Variants in SLC35F3 observed in about 807,000 individuals in gnomAD.
The protein encoded by SLC35F3 is solute carrier family 35 member F3, also known as putative thiamine transporter SLC35F3.
SLC35F3 carries 25 observed loss-of-function variants against 49.9 expected under a neutral mutation model. That is an observed-to-expected ratio of 0.50 (90% confidence interval 0.37 to 0.70). SLC35F3 has a LOEUF of 0.70. SLC35F3 is among the 30% of genes least tolerant of loss of function. SLC35F3 has a pLI of 0.00. For synonymous variants in SLC35F3, 275 were observed against 265.4 expected, an observed-to-expected ratio of 1.04 and a Z score of -0.35; for missense variants, 525 against 639.8, an observed-to-expected ratio of 0.82 and a Z score of 1.94.
chr1:234,264,458 A>T (rs1460405396), intron 3 of SLC35F3, among the ~76,000 whole-genome samples: 2 of 152,190 alleles, frequency 1.3e-5, no homozygotes, highest in Non-Finnish European at 2.9e-5. Context: ...TCTTAAACCT[A>T]CACCACTATG....
intron 2 of SLC35F3, among the ~76,000 whole-genome samples, chr1:234,039,282 C>A (rs912056484): frequency 1.3e-5 from 2 of 152,134 alleles, no homozygotes; most frequent in African/African-American, 4.8e-5. Flanking sequence ...AGGAGAGTAT[C>A]CTCGAAGTCA....
At chr1:234,020,088 G>A (rs774536788) in intron 2 of SLC35F3, among the ~76,000 whole-genome samples, 33 of 152,046 alleles carry the variant, frequency 2.2e-4, no homozygotes, top group South Asian at 4.2e-4. Flanking sequence ...TGTTACTAGG[G>A]CATCCCAAAG....
intron 2 of SLC35F3, among the ~76,000 whole-genome samples, chr1:234,055,920 A>G (rs2102859992): frequency 6.6e-6 from 1 of 152,338 alleles, no homozygotes; most frequent in South Asian, 2.1e-4. Context: ...GCTCACAGAA[A>G]TGCCTCTGAG....
chr1:234,088,157 T>TTTG (rs943069159), intron 2 of SLC35F3, among the ~76,000 whole-genome samples: 98 of 152,082 alleles, frequency 6.4e-4, no homozygotes, highest in Admixed American at 6.3e-3. Flanking sequence ...AGTAAACAGT[T>TTTG]TTGTTGTTGT....
intron 2 of SLC35F3, among the ~76,000 whole-genome samples, chr1:233,981,502 T>A (rs1663183236): frequency 6.6e-6 from 1 of 152,202 alleles, no homozygotes; most frequent in African/African-American, 2.4e-5. Flanking sequence ...CCTTGCTTTT[T>A]CTTGCTGAGC....
rs1463654121 is a variant in SLC35F3 at position 234,046,804 on chromosome 1, A to G, written c.283+141046A>G. Among the ~76,000 whole-genome samples, 1 of 152,152 alleles carries G rather than the reference A, an allele frequency of 6.6e-6. No homozygotes were observed. The highest frequency in any genetic ancestry group is 1.9e-4 in the East Asian group (1 of 5,200). On this transcript the variant is annotated intron_variant, in intron 2 of 7. Transcript: ENST00000366618. This position sits in a 1 kb window ranked among gnomAD's most constrained non-coding sequence, Gnocchi z 4.4. ...TAATGCTAATATGAAGTACATCTCTAATTCTAGTTTTTTTCGGTATTAAGT... is the reference window on the plus strand; with the variant it reads ...TAATGCTAATATGAAGTACATCTCTGATTCTAGTTTTTTTCGGTATTAAGT...
chr1:234,061,904 T>G (rs1175048220), intron 2 of SLC35F3, among the ~76,000 whole-genome samples: 1 of 152,236 alleles, frequency 6.6e-6, no homozygotes. Flanking sequence ...TTCGTTTTTT[T>G]GAAAATATTT....
chr1:233,916,448 C>G (rs1200137405), intron 2 of SLC35F3, among the ~76,000 whole-genome samples: 1 of 152,068 alleles, frequency 6.6e-6, no homozygotes, highest in African/African-American at 2.4e-5. Flanking sequence ...TTTAAAAAAC[C>G]TTTGTAGAGA....
chr1:234,161,591 A>G (rs1666227448), intron 2 of SLC35F3, among the ~76,000 whole-genome samples: 1 of 152,118 alleles, frequency 6.6e-6, no homozygotes, highest in Non-Finnish European at 1.5e-5. Flanking sequence ...ATCTCTACAA[A>G]AAATACAAAA....
chr1:234,062,228 G>T (rs1404128233), intron 2 of SLC35F3, among the ~76,000 whole-genome samples: 2 of 152,114 alleles, frequency 1.3e-5, no homozygotes, highest in African/African-American at 4.8e-5. Context: ...TAGCTCCATT[G>T]CCTGAAGTTT....
At chr1:234,086,693 T>C (rs1664966815) in intron 2 of SLC35F3, among the ~76,000 whole-genome samples, 1 of 152,164 alleles carries the variant, frequency 6.6e-6, no homozygotes, top group Non-Finnish European at 1.5e-5. Context: ...TGGCTGAAAA[T>C]ACCTACCCTA....
At chr1:234,236,830 A>G (rs1572108567) in intron 3 of SLC35F3, among the ~76,000 whole-genome samples, 1 of 150,936 alleles carries the variant, frequency 6.6e-6, no homozygotes, top group African/African-American at 2.4e-5. Context: ...TTTGATATCT[A>G]TGTGGGCACG....
intron 2 of SLC35F3, among the ~76,000 whole-genome samples, chr1:234,134,215 G>A (rs1665776373): frequency 6.6e-6 from 1 of 150,748 alleles, no homozygotes; most frequent in Non-Finnish European, 1.5e-5. Context: ...AACTGACTAA[G>A]TTTCTGCTCT....
chr1:234,126,880 A>T (rs1455166018), intron 2 of SLC35F3, among the ~76,000 whole-genome samples: 2 of 152,116 alleles, frequency 1.3e-5, no homozygotes, highest in African/African-American at 4.8e-5. Context: ...ATTTTTGTGT[A>T]GAGATGGGGT....
At chr1:234,120,672 G>A (rs1484307852) in intron 2 of SLC35F3, among the ~76,000 whole-genome samples, 1 of 152,222 alleles carries the variant, frequency 6.6e-6, no homozygotes, top group African/African-American at 2.4e-5. Context: ...GCAAGAGCGT[G>A]AAGCTCAAGA....
At chr1:234,120,916 G>T (rs1288841901) in intron 2 of SLC35F3, among the ~76,000 whole-genome samples, 1 of 152,100 alleles carries the variant, frequency 6.6e-6, no homozygotes, top group South Asian at 2.1e-4. Flanking sequence ...GCCTTGAAAT[G>T]TTTTTTATGT....
chr1:234,065,238 C>T (rs1334383246), intron 2 of SLC35F3, among the ~76,000 whole-genome samples: 1 of 152,150 alleles, frequency 6.6e-6, no homozygotes, highest in Non-Finnish European at 1.5e-5. Flanking sequence ...CTTCGGCCTC[C>T]TGGGTTCAAG....
intron 2 of SLC35F3, among the ~76,000 whole-genome samples, chr1:233,924,375 C>T (rs139124195): frequency 0.021 from 3,191 of 152,074 alleles, 95 homozygotes; most frequent in African/African-American, 0.072. Flanking sequence ...AGTCTTGGGA[C>T]GGTGTATGTG....
chr1:234,084,220 G>GACAC (rs34569981), intron 2 of SLC35F3, among the ~76,000 whole-genome samples: 40,185 of 148,144 alleles, frequency 0.27, 5,636 homozygotes, highest in Non-Finnish European at 0.33. Flanking sequence ...ATAAGGAATA[G>GACAC]ACACACACAC....
Sources: allele counts gnomAD v4.1 joint callset (sites outside exome capture counted in the v4.1 genomes callset), GRCh38; gene constraint gnomAD v4.1.1; non-coding constraint Gnocchi (gnomAD v3.1); transcripts MANE v1.5; gene names NCBI Gene and HGNC (gene_info 2026-07-23, HGNC 2026-07-21).